MAP3K5: variants seen among roughly 807,000 people sequenced by gnomAD.
The protein encoded by MAP3K5 is mitogen-activated protein kinase kinase kinase 5.
Under a neutral mutation model 158.7 loss-of-function variants are expected in MAP3K5, and 56 were observed. The observed-to-expected ratio is 0.35, with a 90% CI of 0.28 to 0.44. The LOEUF is 0.44. Among genes scored for constraint, MAP3K5 ranks in the 20% least tolerant of loss-of-function variants. The pLI is 1.00. For missense variants in MAP3K5, 1,294 were observed against 1,674.8 expected (o/e 0.77, Z 3.97); for synonymous variants, 579 against 601.7 (o/e 0.96, Z 0.55).
intron 1 of MAP3K5, among the ~76,000 whole-genome samples, chr6:136,776,246 A>T (rs1011075860): frequency 1.3e-5 from 2 of 151,882 alleles, no homozygotes; most frequent in Non-Finnish European, 2.9e-5. Context: ...TTTATTTTTT[A>T]TTTATTTATT....
chr6:136,563,991 C>T (rs1830628669), intron 26 of MAP3K5, among the ~76,000 whole-genome samples: 2 of 152,174 alleles, frequency 1.3e-5, no homozygotes, highest in South Asian at 2.1e-4. Context: ...TTCAACCCTG[C>T]ACTTCCTGTG....
chr6:136,608,018 T>C (rs917260942), intron 18 of MAP3K5, among the ~76,000 whole-genome samples: 3 of 152,002 alleles, frequency 2.0e-5, no homozygotes, highest in Non-Finnish European at 4.4e-5. Context: ...GACATCTGCG[T>C]TGAGACTGGA....
At chr6:136,780,061 G>A (rs1174880929) in intron 1 of MAP3K5, among the ~76,000 whole-genome samples, 1 of 152,190 alleles carries the variant, frequency 6.6e-6, no homozygotes, top group East Asian at 1.9e-4. Context: ...TCAAAGACTT[G>A]GAAAAGGTCA....
intron 1 of MAP3K5, among the ~76,000 whole-genome samples, chr6:136,771,451 A>G (rs1784196404): frequency 6.6e-6 from 1 of 152,088 alleles, no homozygotes; most frequent in Admixed American, 6.5e-5. Context: ...TGCCATGTCA[A>G]TTTACTGTTG....
chr6:136,686,227 T>C (rs1424838198), intron 7 of MAP3K5, among the ~76,000 whole-genome samples: 1 of 152,174 alleles, frequency 6.6e-6, no homozygotes, highest in Non-Finnish European at 1.5e-5. Flanking sequence ...GACTGTCCCA[T>C]TAGAAGTCTT....
Position 136,561,219 on chromosome 6 carries a change from G to T in MAP3K5, c.3987+314C>A, listed in dbSNP as rs542772798. On this transcript the variant is annotated intron_variant, in intron 28 of 29. Transcript: ENST00000359015. ...CCCCTCCTGAACATACATACAATTG[G>T]CCTATTTATACCCTCACATTCTGTT... Among the ~76,000 whole-genome samples, 13 of 152,130 alleles carry T rather than the reference G, an allele frequency of 8.5e-5. No individual in the cohort carries two copies. In the South Asian group the frequency reaches 2.5e-3, roughly 29 times the overall value.
At chr6:136,685,809 C>A (rs1480793881) in intron 7 of MAP3K5, among the ~76,000 whole-genome samples, 22 of 152,158 alleles carry the variant, frequency 1.4e-4, no homozygotes, top group Admixed American at 3.9e-4. Context: ...GTTGAAACAT[C>A]CCTTTGGGAC....
At chr6:136,769,621 C>T (rs1163852612) in intron 1 of MAP3K5, among the ~76,000 whole-genome samples, 4 of 149,766 alleles carry the variant, frequency 2.7e-5, no homozygotes, top group Admixed American at 2.0e-4. Context: ...AGAGGGAAGC[C>T]CACCAGCACT....
intron 11 of MAP3K5, among the ~76,000 whole-genome samples, chr6:136,646,911 T>C (rs750871470): frequency 1.3e-5 from 2 of 152,188 alleles, no homozygotes; most frequent in Non-Finnish European, 2.9e-5. Flanking sequence ...ACTAAACACG[T>C]CCAAAATGAA....
At chr6:136,695,681 T>C (rs1373840603) in intron 6 of MAP3K5, among the ~76,000 whole-genome samples, 1 of 152,184 alleles carries the variant, frequency 6.6e-6, no homozygotes, top group East Asian at 1.9e-4. Context: ...TTCTAAAAAA[T>C]ATGAATAGCA....
chr6:136,585,811 C>T (rs1018578461), intron 23 of MAP3K5, among the ~76,000 whole-genome samples: 1 of 152,098 alleles, frequency 6.6e-6, no homozygotes, highest in Non-Finnish European at 1.5e-5. Context: ...CATGCCCAGC[C>T]CACACTGCTT....
intron 25 of MAP3K5, among the ~76,000 whole-genome samples, chr6:136,568,814 T>C (rs1774233471): frequency 7.2e-6 from 1 of 139,028 alleles, no homozygotes; most frequent in Non-Finnish European, 1.5e-5. Flanking sequence ...GCCGAGATCA[T>C]GCCACTGTAC....
Position 136,627,224 on chromosome 6 carries a change from C to CA in MAP3K5, c.2017-4244dup, listed in dbSNP as rs895162980. On this transcript the variant is annotated intron_variant, in intron 14 of 29. Coordinates refer to ENST00000359015, the MANE Select transcript of MAP3K5 (RefSeq NM_005923.4). ...CAAATCCATTTTACCTCCTTATTCT[C>CA]ACCGGAGTTGCCTCAGAATCTCTGT... 4.2e-4 allele frequency among the ~76,000 whole-genome samples: 64 copies of CA among 152,288 alleles called. 1 individual carries two copies. The highest frequency in any genetic ancestry group is 7.3e-4 in the Non-Finnish European group (50 of 68,028).
chr6:136,689,901 A>T (rs1263294188), intron 7 of MAP3K5, among the ~76,000 whole-genome samples: 1 of 152,110 alleles, frequency 6.6e-6, no homozygotes, highest in Non-Finnish European at 1.5e-5. Context: ...AAAAGCTAAG[A>T]TTTCTGTTTC....
At chr6:136,757,586 A>ATTTTTT (rs897486770) in intron 1 of MAP3K5, among the ~76,000 whole-genome samples, 8 of 127,826 alleles carry the variant, frequency 6.3e-5, no homozygotes, top group African/African-American at 1.6e-4. Flanking sequence ...TTTATTTTTT[A>ATTTTTT]TTTTTTTTTT....
intron 1 of MAP3K5, among the ~76,000 whole-genome samples, chr6:136,777,870 C>CTA (rs35387800): frequency 0.62 from 94,059 of 151,736 alleles, 29,288 homozygotes; most frequent in Admixed American, 0.68. Flanking sequence ...ACCACACACT[C>CTA]CACATCATCA....
intron 14 of MAP3K5, among the ~76,000 whole-genome samples, chr6:136,631,632 A>AT (rs1777359865): frequency 6.6e-6 from 1 of 151,294 alleles, no homozygotes; most frequent in Non-Finnish European, 1.5e-5. Flanking sequence ...GTCCATATGG[A>AT]TTGGAGGCCT....
In MAP3K5 at chr6:136,658,604, G is replaced by T. The variant is rs141363502; in HGVS notation, c.1526+615C>A. Among the ~76,000 whole-genome samples, 7 of 152,148 alleles carry T rather than the reference G, an allele frequency of 4.6e-5. No homozygotes were observed. The East Asian group carries it at 1.4e-3, about 29-fold the overall frequency. The stretch of plus-strand genomic sequence containing the variant: ...GCTGGGATTACAGGTGTGAGCCACC[G>T]TGCGCCCGGCCAACACTGTTTTTCA... On this transcript the variant is annotated intron_variant, in intron 9 of 29. Coordinates refer to ENST00000359015, the MANE Select transcript of MAP3K5 (RefSeq NM_005923.4).
intron 8 of MAP3K5, among the ~76,000 whole-genome samples, chr6:136,668,854 G>A (rs1386398911): frequency 6.6e-6 from 1 of 151,996 alleles, no homozygotes; most frequent in Non-Finnish European, 1.5e-5. Context: ...CAACACCGGT[G>A]AAATCATAGG....
Sources: allele counts gnomAD v4.1 joint callset (sites outside exome capture counted in the v4.1 genomes callset), GRCh38; gene constraint gnomAD v4.1.1; transcripts MANE v1.5; gene names NCBI Gene and HGNC (gene_info 2026-07-23, HGNC 2026-07-21).